Variants in ANTXR1 observed in about 807,000 individuals in gnomAD.
ANTXR1 encodes anthrax toxin receptor 1.
In ANTXR1, 19 loss-of-function variants were observed where a neutral mutation model predicts 78.1. The observed-to-expected ratio is 0.24, with a 90% CI of 0.17 to 0.36. ANTXR1 has a LOEUF of 0.36. Among genes scored for constraint, ANTXR1 ranks in the 10% least tolerant of loss-of-function variants. The pLI, the probability that ANTXR1 is intolerant of heterozygous loss-of-function variation, is 1.00. For synonymous variants in ANTXR1, 273 were observed against 260.5 expected (o/e 1.05, Z -0.46); for missense variants, 518 against 718.6 (o/e 0.72, Z 3.19).
chr2:69,083,965 C>T (rs12614140), intron 8 of ANTXR1, among the ~76,000 whole-genome samples: 3 of 152,216 alleles, frequency 2.0e-5, no homozygotes, highest in Middle Eastern at 3.2e-3. Flanking sequence ...TTCTCCTACA[C>T]TATTATTTCT....
intron 10 of ANTXR1, among the ~76,000 whole-genome samples, chr2:69,108,745 G>C (rs1032040072): frequency 1.3e-5 from 2 of 152,152 alleles, no homozygotes; most frequent in African/African-American, 4.8e-5. Flanking sequence ...GCATTAGTTT[G>C]CTAAGGATAA....
In ANTXR1 at chr2:69,159,969, T is replaced by C. The variant is rs770112051; in HGVS notation, c.1047+7705T>C. On this transcript the variant is annotated intron_variant, in intron 13 of 17. Coordinates refer to ENST00000303714, the MANE Select transcript of ANTXR1 (RefSeq NM_032208.3). Reference sequence around the variant, plus strand: ...GCACCGTTAAGAATAACATTTAATTTGTAGGGCCAGACAACCCAAGCCTAA... The same window carrying C: ...GCACCGTTAAGAATAACATTTAATTCGTAGGGCCAGACAACCCAAGCCTAA... Among the ~76,000 whole-genome samples the C allele has an allele frequency of 4.6e-5, 7 of 152,240 alleles. 1 individual carries two copies. Among genetic ancestry groups the C allele is most frequent in the Non-Finnish European group, 8.8e-5 (6 of 68,052 alleles).
chr2:69,030,820 A>G (rs1469382230), intron 1 of ANTXR1, among the ~76,000 whole-genome samples: 3 of 152,188 alleles, frequency 2.0e-5, no homozygotes, highest in Non-Finnish European at 4.4e-5. Context: ...AGCAAAGTAC[A>G]CCAAAACTTC....
rs1381619752 is a variant in ANTXR1, at chr2:69,247,084, G to A, written c.*1599G>A. ...ATTTATTTTATCAATACCAATTTTT[G>A]TGGCCATGGCAGACATTGCTAATCA... is the stretch of plus-strand genomic sequence containing the variant. On this transcript the variant is annotated 3_prime_UTR_variant, in exon 18 of 18. Transcript: ENST00000303714. 6.6e-6 allele frequency: 1 copy of A among 152,400 alleles called. No individual in the cohort carries two copies. Among genetic ancestry groups the A allele is most frequent in the African/African-American group, 2.4e-5 (1 of 41,404 alleles). 9.4% of individuals were successfully genotyped at this position (152,400 alleles called of 1,614,324 possible).
At chr2:69,121,748 C>T (rs941555113) in intron 10 of ANTXR1, among the ~76,000 whole-genome samples, 2 of 152,162 alleles carry the variant, frequency 1.3e-5, no homozygotes, top group Non-Finnish European at 1.5e-5. Flanking sequence ...ATCTTCATTT[C>T]ACCTGTAGGC....
chr2:69,042,818 T>C (rs904825894), intron 2 of ANTXR1, among the ~76,000 whole-genome samples: 8 of 152,166 alleles, frequency 5.3e-5, no homozygotes, highest in African/African-American at 1.9e-4. Context: ...CTCTGCAGCC[T>C]TTAGTCCACT....
intron 12 of ANTXR1, among the ~76,000 whole-genome samples, chr2:69,126,828 T>TA (rs1558577300): frequency 6.6e-6 from 1 of 152,250 alleles, no homozygotes; most frequent in East Asian, 1.9e-4. Flanking sequence ...AGTTACATCT[T>TA]ACATCTCCCT....
intron 8 of ANTXR1, 88 bp downstream of exon 8, chr2:69,077,576 C>G: frequency 7.1e-7 from 1 of 1,409,246 alleles, no homozygotes; most frequent in East Asian, 2.3e-5. Flanking sequence ...TCTCTCAAAG[C>G]CTGGTGTTTT....
At chr2:69,131,440 T>C (rs1230258734) in intron 12 of ANTXR1, among the ~76,000 whole-genome samples, 1 of 152,204 alleles carries the variant, frequency 6.6e-6, no homozygotes, top group African/African-American at 2.4e-5. Flanking sequence ...ACTACCAATG[T>C]TTCACAGGAA....
chr2:69,204,973 T>A (rs886997827), intron 17 of ANTXR1, among the ~76,000 whole-genome samples: 1 of 152,178 alleles, frequency 6.6e-6, no homozygotes, highest in African/African-American at 2.4e-5. Flanking sequence ...TTCATCCAGT[T>A]AATACATCCT....
chr2:69,059,542 G>T (rs1233080705), intron 3 of ANTXR1, among the ~76,000 whole-genome samples: 2 of 151,510 alleles, frequency 1.3e-5, no homozygotes, highest in African/African-American at 4.9e-5. Context: ...GCAATGGCAC[G>T]ATCTTGGCTC....
intron 13 of ANTXR1, among the ~76,000 whole-genome samples, chr2:69,163,441 T>C (rs1466754096): frequency 6.6e-6 from 1 of 152,212 alleles, no homozygotes; most frequent in Non-Finnish European, 1.5e-5. Context: ...CTAAGGCAAC[T>C]GGTGGCTCCT....
intron 17 of ANTXR1, among the ~76,000 whole-genome samples, chr2:69,210,663 T>C (rs1227462282): frequency 1.3e-5 from 2 of 152,198 alleles, no homozygotes; most frequent in African/African-American, 4.8e-5. Context: ...TGGCTGGGTA[T>C]GCTGGCTCAG....
intron 7 of ANTXR1, among the ~76,000 whole-genome samples, chr2:69,076,350 G>A (rs1670730325): frequency 1.3e-5 from 2 of 152,068 alleles, no homozygotes; most frequent in Admixed American, 6.5e-5. Context: ...AAAACGCAAA[G>A]TATTTTCAAC....
intron 3 of ANTXR1, among the ~76,000 whole-genome samples, chr2:69,067,306 C>CAA (rs58081284): frequency 0.11 from 9,341 of 84,088 alleles, 539 homozygotes; most frequent in Admixed American, 0.22. Flanking sequence ...TGTTCTGGTA[C>CAA]AAAAAAAAAA....
At chr2:69,151,893 G>T (rs1673409139) in intron 12 of ANTXR1, among the ~76,000 whole-genome samples, 1 of 152,204 alleles carries the variant, frequency 6.6e-6, no homozygotes. Flanking sequence ...GTTCATGCCT[G>T]CTCTGTCTCT....
chr2:69,094,147 GA>G (rs1671323791), intron 9 of ANTXR1, among the ~76,000 whole-genome samples: 1 of 152,218 alleles, frequency 6.6e-6, no homozygotes, highest in South Asian at 2.1e-4. Context: ...CTGTCAGATA[GA>G]GCGAGGCGTA....
intron 9 of ANTXR1, among the ~76,000 whole-genome samples, chr2:69,095,769 A>G (rs1671379665): frequency 6.6e-6 from 1 of 152,246 alleles, no homozygotes. Flanking sequence ...AGCAGATGCT[A>G]TCAGGAGAAA....
intron 17 of ANTXR1, among the ~76,000 whole-genome samples, chr2:69,216,940 A>G (rs1361528646): frequency 6.6e-6 from 1 of 152,216 alleles, no homozygotes; most frequent in Non-Finnish European, 1.5e-5. Flanking sequence ...TCTCTGAGCC[A>G]TCTCAATTGC....
Sources: gnomAD v4.1 joint callset for allele counts (sites outside exome capture counted in the v4.1 genomes callset) on GRCh38, gnomAD v4.1.1 for gene constraint, MANE v1.5 for transcripts, NCBI Gene and HGNC (gene_info 2026-07-23, HGNC 2026-07-21) for gene names.